The following IL18RAP variants were observed in gnomAD, a reference collection of about 807,000 sequenced individuals.
IL18RAP encodes the protein interleukin 18 receptor accessory protein, also known as interleukin-18 receptor accessory protein.
Under a neutral mutation model 58.1 loss-of-function variants are expected in IL18RAP, and 37 were observed. That is an observed-to-expected ratio of 0.64 (90% CI 0.49 to 0.84). The LOEUF (loss-of-function observed/expected upper bound fraction) is 0.84. IL18RAP is among the 40% of genes least tolerant of loss of function. IL18RAP has a pLI of 0.00. For synonymous variants in IL18RAP, 268 were observed against 257.5 expected, an observed-to-expected ratio of 1.04 and a Z score of -0.39; for missense variants, 667 against 704.8, an observed-to-expected ratio of 0.95 and a Z score of 0.61.
intron 8 of IL18RAP, among the ~76,000 whole-genome samples, chr2:102,449,443 C>T (rs968645895): frequency 1.3e-5 from 2 of 152,138 alleles, no homozygotes; most frequent in Admixed American, 1.3e-4. Context: ...GATTCTGGAG[C>T]TGGCTTAGAA....
At chr2:102,450,375 C>T (rs2104389239) in intron 8 of IL18RAP, among the ~76,000 whole-genome samples, 1 of 152,220 alleles carries the variant, frequency 6.6e-6, no homozygotes, top group East Asian at 1.9e-4. Context: ...CTTTATTTTA[C>T]ATATGGGGAT....
intron 3 of IL18RAP, among the ~76,000 whole-genome samples, chr2:102,435,786 A>C (rs549011181): frequency 2.4e-4 from 36 of 152,266 alleles, no homozygotes; most frequent in African/African-American, 8.4e-4. Flanking sequence ...AGTAGTAAGA[A>C]TAACTGTTCT....
rs1683818063 is a variant in IL18RAP, at chr2:102,452,220, T to C, written c.*39T>C. ...GCCCCCTCCAGTCCAGTCCCTGGGA[T>C]AGAGATGTTGCTGGACAGAACTCAC... On this transcript the variant is annotated 3_prime_UTR_variant, in exon 10 of 10. Transcript: ENST00000687160. 2 of 1,530,586 alleles carry C rather than the reference T, an allele frequency of 1.3e-6. No individual in the cohort carries two copies. Among genetic ancestry groups the C allele is most frequent in the African/African-American group, 2.8e-5 (2 of 71,920 alleles). 94.8% of individuals were successfully genotyped at this position (1,530,586 alleles called of 1,614,324 possible).
At chr2:102,432,405 G>A (rs1214792191) in intron 3 of IL18RAP, 4 of 154,264 alleles carry the variant, frequency 2.6e-5, no homozygotes, top group Non-Finnish European at 5.9e-5. Context: ...CCCACAACAT[G>A]AAGGAATTGC....
intron 3 of IL18RAP, among the ~76,000 whole-genome samples, chr2:102,435,519 G>A (rs1682677289): frequency 6.6e-6 from 1 of 152,110 alleles, no homozygotes; most frequent in Non-Finnish European, 1.5e-5. Flanking sequence ...TCTATGATAA[G>A]GAACATTAAA....
intron 3 of IL18RAP, chr2:102,432,441 T>C (rs1682437155): frequency 6.5e-6 from 1 of 154,372 alleles, no homozygotes; most frequent in South Asian, 2.0e-4. Flanking sequence ...GGCACCCAAA[T>C]GCCCTACATC....
At chr2:102,438,854 T>A (rs1002497350) in intron 4 of IL18RAP, 1 of 152,204 alleles carries the variant, frequency 6.6e-6, no homozygotes, top group Non-Finnish European at 1.5e-5. Flanking sequence ...AAGACAAAGG[T>A]GAAGCAGGCT....
intron 3 of IL18RAP, among the ~76,000 whole-genome samples, chr2:102,435,667 A>G (rs1260193219): frequency 6.6e-6 from 1 of 152,192 alleles, no homozygotes; most frequent in Admixed American, 6.5e-5. Context: ...AAATCCAGGA[A>G]GTACCATTCC....
intron 3 of IL18RAP, among the ~76,000 whole-genome samples, chr2:102,433,072 C>T (rs180862163): frequency 3.4e-4 from 51 of 152,138 alleles, no homozygotes; most frequent in African/African-American, 1.1e-3. Context: ...TGAGTTTTGA[C>T]GACATTGCTG....
upstream of IL18RAP, among the ~76,000 whole-genome samples, chr2:102,421,177 TG>T (rs11465685): frequency 0.078 from 11,941 of 152,208 alleles, 572 homozygotes; most frequent in Middle Eastern, 0.23. Flanking sequence ...ATATTCTAGT[TG>T]GGGAGAAGTT....
rs1370895984 is a variant in IL18RAP, at chr2:102,451,730, A to G, written c.1385-36A>G. 4 of 1,557,036 alleles carry G rather than the reference A, an allele frequency of 2.6e-6. No individual in the cohort carries two copies. In the African/African-American group the frequency reaches 4.1e-5, roughly 16 times the overall value. On this transcript the variant is annotated intron_variant, in intron 9 of 9. Coordinates refer to ENST00000687160, the MANE Select transcript of IL18RAP (RefSeq NM_001393487.1). The stretch of plus-strand genomic sequence containing the variant: ...GACCTCTCTGACTCAAGGTTTAACA[A>G]TATCCATTGCAAATAATCAAATGTT...
At chr2:102,444,773 T>C (rs2104372462) in intron 6 of IL18RAP, among the ~76,000 whole-genome samples, 1 of 152,322 alleles carries the variant, frequency 6.6e-6, no homozygotes, top group South Asian at 2.1e-4. Context: ...CCAAGGCCAT[T>C]ATGATCCTAT....
chr2:102,427,891 C>T (rs947969792), intron 3 of IL18RAP, among the ~76,000 whole-genome samples: 1 of 151,550 alleles, frequency 6.6e-6, no homozygotes, highest in Middle Eastern at 3.2e-3. Flanking sequence ...CTATGAGATA[C>T]AATTTCATTC....
At chr2:102,449,593 A>T (rs994155646) in intron 8 of IL18RAP, among the ~76,000 whole-genome samples, 1 of 152,170 alleles carries the variant, frequency 6.6e-6, no homozygotes, top group Non-Finnish European at 1.5e-5. Flanking sequence ...CCAACCTAAC[A>T]TTTTTTAGCA....
At chr2:102,442,085 T>A (rs961795623) in intron 5 of IL18RAP, among the ~76,000 whole-genome samples, 7 of 152,194 alleles carry the variant, frequency 4.6e-5, no homozygotes, top group Admixed American at 3.3e-4. Flanking sequence ...ATATGACATT[T>A]AATCTGGCAT....
At chr2:102,442,610 G>T (rs1256349377) in intron 5 of IL18RAP, among the ~76,000 whole-genome samples, 5 of 152,126 alleles carry the variant, frequency 3.3e-5, no homozygotes. Flanking sequence ...GTCATTTCAT[G>T]GTTAAATATT....
chr2:102,430,733 T>C (rs553524056), intron 3 of IL18RAP, among the ~76,000 whole-genome samples: 12 of 152,294 alleles, frequency 7.9e-5, no homozygotes, highest in Non-Finnish European at 1.5e-4. Flanking sequence ...GTTTTTGTTT[T>C]GTGGTTACTA....
At chr2:102,420,306 A>T (rs1681492624), upstream of IL18RAP, among the ~76,000 whole-genome samples, 1 of 152,190 alleles carries the variant, frequency 6.6e-6, no homozygotes, top group Admixed American at 6.5e-5. Flanking sequence ...CTTGTTTATA[A>T]TGTAGGTTCC....
At chr2:102,427,261 A>G (rs1035371569) in intron 3 of IL18RAP, among the ~76,000 whole-genome samples, 1 of 152,160 alleles carries the variant, frequency 6.6e-6, no homozygotes, top group African/African-American at 2.4e-5. Context: ...CTCTTTGGAT[A>G]TGTACCCAAA....
Sources: gnomAD v4.1 joint callset for allele counts (sites outside exome capture counted in the v4.1 genomes callset) on GRCh38, gnomAD v4.1.1 for gene constraint, MANE v1.5 for transcripts, NCBI Gene and HGNC (gene_info 2026-07-23, HGNC 2026-07-21) for gene names.